Variants in LUZP2 observed in about 807,000 individuals in gnomAD.
LUZP2 encodes the protein leucine zipper protein 2.
LUZP2 carries 52 observed loss-of-function variants against 51.6 expected under a neutral mutation model. The observed-to-expected ratio is 1.01, with a 90% confidence interval of 0.81 to 1.27. The LOEUF (loss-of-function observed/expected upper bound fraction) is 1.27. LUZP2 is among the 50% of genes most tolerant of loss of function. The probability of loss-of-function intolerance (pLI) is 0.00; values close to 1 mark genes in which losing one functional copy is unlikely to be tolerated. For synonymous variants in LUZP2, 154 were observed against 137.3 expected, an observed-to-expected ratio of 1.12 and a Z score of -0.85; for missense variants, 436 against 395.4, an observed-to-expected ratio of 1.10 and a Z score of -0.87.
At chr11:25,077,483 A>G in intron 11 of LUZP2, 77 bp downstream of exon 11, 1 of 585,836 alleles carries the variant, frequency 1.7e-6, no homozygotes, top group East Asian at 5.2e-5. Flanking sequence ...ATTTTTATTT[A>G]TATTATTTTT....
intron 5 of LUZP2, among the ~76,000 whole-genome samples, chr11:24,829,864 G>T (rs1299084956): frequency 6.6e-6 from 1 of 152,142 alleles, no homozygotes; most frequent in Non-Finnish European, 1.5e-5. Flanking sequence ...AGCTGACAAT[G>T]CCTTCTTGCA....
intron 1 of LUZP2, among the ~76,000 whole-genome samples, chr11:24,582,855 C>T (rs1343175296): frequency 1.3e-5 from 2 of 151,874 alleles, no homozygotes; most frequent in African/African-American, 4.8e-5. Context: ...GAAAATCAGC[C>T]TAATTATGTC....
intron 7 of LUZP2, among the ~76,000 whole-genome samples, chr11:24,969,888 G>A (rs1350523020): frequency 6.6e-6 from 1 of 152,060 alleles, no homozygotes; most frequent in Non-Finnish European, 1.5e-5. Context: ...GGTTTTCTGA[G>A]TTTTGGTGGG....
chr11:24,598,067 C>G (rs1033084905), intron 1 of LUZP2, among the ~76,000 whole-genome samples: 43 of 150,770 alleles, frequency 2.9e-4, no homozygotes, highest in African/African-American at 9.3e-4. Context: ...CGCCATTGCA[C>G]TCCAGCCTGG....
chr11:24,707,888 T>C (rs183449767), intron 1 of LUZP2, among the ~76,000 whole-genome samples: 35 of 152,198 alleles, frequency 2.3e-4, no homozygotes, highest in African/African-American at 8.4e-4. Flanking sequence ...GAGTACAAAC[T>C]TGGACAAGGA....
intron 5 of LUZP2, chr11:24,786,449 C>T (rs11028173): frequency 0.011 from 10,914 of 981,098 alleles, 172 homozygotes; most frequent in African/African-American, 0.069. Flanking sequence ...AAAAATTCTG[C>T]GTAAATATCA....
chr11:24,610,085 C>G (rs1282477990), intron 1 of LUZP2, among the ~76,000 whole-genome samples: 1 of 152,218 alleles, frequency 6.6e-6, no homozygotes, highest in Non-Finnish European at 1.5e-5. Flanking sequence ...AATAAACTCA[C>G]TTGCCATTCC....
intron 10 of LUZP2, 61 bp downstream of exon 10, chr11:25,050,191 T>C: frequency 1.1e-6 from 1 of 920,796 alleles, no homozygotes; most frequent in South Asian, 2.0e-5. Flanking sequence ...ACAAGCATTT[T>C]AGCAATTCTA....
chr11:24,998,159 A>G (rs1856565045), intron 9 of LUZP2, among the ~76,000 whole-genome samples: 1 of 152,116 alleles, frequency 6.6e-6, no homozygotes, highest in Admixed American at 6.6e-5. Flanking sequence ...CTGTGAAGAA[A>G]GTCATTGGTA....
At chr11:24,982,706 C>A (rs1359649637) in intron 8 of LUZP2, among the ~76,000 whole-genome samples, 1 of 151,608 alleles carries the variant, frequency 6.6e-6, no homozygotes, top group African/African-American at 2.4e-5. Flanking sequence ...GTACAACAAA[C>A]CCTCATGACA....
chr11:25,021,235 C>G (rs1216078350), intron 9 of LUZP2, among the ~76,000 whole-genome samples: 2 of 151,574 alleles, frequency 1.3e-5, no homozygotes, highest in Non-Finnish European at 2.9e-5. Context: ...GGCAAGCATT[C>G]TCTCAGAGAC....
chr11:25,030,027 T>G (rs1857600787), intron 9 of LUZP2, among the ~76,000 whole-genome samples: 1 of 152,172 alleles, frequency 6.6e-6, no homozygotes, highest in African/African-American at 2.4e-5. Context: ...TTTGGGGCAT[T>G]ATTAAGATTA....
intron 1 of LUZP2, among the ~76,000 whole-genome samples, chr11:24,613,654 A>G (rs1201052541): frequency 6.6e-6 from 1 of 152,044 alleles, no homozygotes; most frequent in Admixed American, 6.6e-5. Context: ...CCTTGAAAAA[A>G]AATTCAAATA....
chr11:24,587,786 T>A lies in LUZP2; in HGVS notation c.62+90481T>A, dbSNP rs184185629. Among the ~76,000 whole-genome samples the A allele has an allele frequency of 2.0e-3, 297 of 152,056 alleles. 1 individual carries two copies. The South Asian group carries it at 0.02, about 10-fold the overall frequency. On this transcript the variant is annotated intron_variant, in intron 1 of 11. Transcript: ENST00000336930. ...GTTTTTCAGTCTAGACAGTTTTTTT[T>A]AAAAAAAGTAAATGAAATATATGTG... is the stretch of plus-strand genomic sequence containing the variant.
At chr11:24,994,613 T>G (rs1406740160) in intron 9 of LUZP2, among the ~76,000 whole-genome samples, 1 of 152,210 alleles carries the variant, frequency 6.6e-6, no homozygotes, top group Non-Finnish European at 1.5e-5. Flanking sequence ...TCTTGGTCAT[T>G]GCATTTTTCA....
At chr11:25,069,625 G>T (rs146741105) in intron 10 of LUZP2, among the ~76,000 whole-genome samples, 2,174 of 151,574 alleles carry the variant, frequency 0.014, 29 homozygotes, top group Middle Eastern at 0.037. Flanking sequence ...TATATATTCT[G>T]AAAAAAGTTA....
chr11:25,010,197 A>G (rs550592669), intron 9 of LUZP2, among the ~76,000 whole-genome samples: 2 of 152,294 alleles, frequency 1.3e-5, no homozygotes, highest in South Asian at 2.1e-4. Context: ...TTTCCTAGTT[A>G]TAAAATCATT....
chr11:24,948,939 A>G (rs1854988588), intron 7 of LUZP2, among the ~76,000 whole-genome samples: 1 of 151,556 alleles, frequency 6.6e-6, no homozygotes, highest in Non-Finnish European at 1.5e-5. Flanking sequence ...CCAATAGAAA[A>G]TATATGTTTA....
At chr11:24,972,138 C>T (rs184804761) in intron 7 of LUZP2, among the ~76,000 whole-genome samples, 98 of 3,746 alleles carry the variant, frequency 0.026, no homozygotes, top group African/African-American at 0.028. Context: ...AGTGAGACTC[C>T]GAAAAAAAAA....
Sources: allele counts gnomAD v4.1 joint callset (sites outside exome capture counted in the v4.1 genomes callset), GRCh38; gene constraint gnomAD v4.1.1; transcripts MANE v1.5; gene names NCBI Gene and HGNC (gene_info 2026-07-23, HGNC 2026-07-21).